The following CRACDL variants were observed in gnomAD, a reference collection of about 807,000 sequenced individuals.
The protein encoded by CRACDL is CRACD like.
In CRACDL, 26 loss-of-function variants were observed where a neutral mutation model predicts 70.6. The observed-to-expected ratio is 0.37, with a 90% CI of 0.27 to 0.51. The LOEUF (loss-of-function observed/expected upper bound fraction) is 0.51, where lower values mean the gene tolerates loss of function less well. CRACDL is among the 20% of genes least tolerant of loss of function. The pLI is 0.94. For missense variants in CRACDL, 1,283 were observed against 1,376.9 expected (o/e 0.93, Z 1.08); for synonymous variants, 618 against 615.2 (o/e 1.00, Z -0.07).
rs72958666 is a variant in CRACDL at position 98,841,444 on chromosome 2, G to T, written c.71-3157C>A. 2.9e-3 allele frequency among the ~76,000 whole-genome samples: 438 copies of T among 151,802 alleles called. 2 individuals carry two copies. The highest frequency in any genetic ancestry group is 1.0e-2 in the African/African-American group (413 of 41,392). ...GGTTATACTACACATTTGATTACAG[G>T]TCAATACAAGGACCTTCGAATACTT... is the stretch of plus-strand genomic sequence containing the variant. On this transcript the variant is annotated intron_variant, in intron 2 of 9. Coordinates refer to ENST00000397899, the MANE Select transcript of CRACDL (RefSeq NM_207362.3).
chr2:98,815,876 A>T (rs1296355614), intron 7 of CRACDL, among the ~76,000 whole-genome samples: 1 of 152,258 alleles, frequency 6.6e-6, no homozygotes, highest in Non-Finnish European at 1.5e-5. Flanking sequence ...CCACCAGGGC[A>T]AGTAGTTTCA....
intron 1 of CRACDL, among the ~76,000 whole-genome samples, chr2:98,903,009 G>A (rs1708319026): frequency 6.6e-6 from 1 of 152,068 alleles, no homozygotes; most frequent in African/African-American, 2.4e-5. Context: ...CACCCCCAGG[G>A]CCGCGCTAGC....
intron 1 of CRACDL, among the ~76,000 whole-genome samples, chr2:98,885,618 T>C (rs950228989): frequency 6.6e-6 from 1 of 152,170 alleles, no homozygotes; most frequent in Non-Finnish European, 1.5e-5. Flanking sequence ...GATGAAAATA[T>C]GGCCTTCAGA....
chr2:98,902,763 G>A (rs750259795), intron 1 of CRACDL, among the ~76,000 whole-genome samples: 24 of 151,970 alleles, frequency 1.6e-4, no homozygotes, highest in South Asian at 6.2e-4. Flanking sequence ...TCTGGGACCC[G>A]GAGTCACCCC....
At chr2:98,815,787 T>G (rs1704760636) in intron 7 of CRACDL, among the ~76,000 whole-genome samples, 1 of 151,434 alleles carries the variant, frequency 6.6e-6, no homozygotes, top group Admixed American at 6.6e-5. Context: ...GGGTGAGGGG[T>G]TGGCCACTTC....
intron 7 of CRACDL, among the ~76,000 whole-genome samples, chr2:98,807,141 T>A (rs563378465): frequency 5.9e-5 from 9 of 152,386 alleles, no homozygotes; most frequent in African/African-American, 2.2e-4. Flanking sequence ...CAGAGTCTTA[T>A]GGAACAAAGT....
chr2:98,803,785 CTG>C (rs1293041404), intron 7 of CRACDL, among the ~76,000 whole-genome samples: 2 of 152,338 alleles, frequency 1.3e-5, no homozygotes, highest in East Asian at 1.9e-4. Flanking sequence ...AGAACAGTCA[CTG>C]TGCCTCGTTG....
chr2:98,911,749 T>G (rs1708552375), intron 1 of CRACDL, among the ~76,000 whole-genome samples: 1 of 152,084 alleles, frequency 6.6e-6, no homozygotes, highest in Admixed American at 6.5e-5. Context: ...GCCTCCAAGC[T>G]GGGCCACCCC....
intron 1 of CRACDL, among the ~76,000 whole-genome samples, chr2:98,900,350 AGAG>A (rs1708245876): frequency 1.0e-5 from 1 of 97,442 alleles, no homozygotes; most frequent in African/African-American, 4.1e-5. Context: ...GAGGGGAGGC[AGAG>A]GATGGAGGCT....
Position 98,822,413 on chromosome 2 carries a change from G to T in CRACDL, c.1860C>A (p.Pro620=). 2 of 1,484,074 alleles carry T rather than the reference G, an allele frequency of 1.3e-6. No individual in the cohort carries two copies. Among genetic ancestry groups the T allele is most frequent in the African/African-American group, 1.5e-5 (1 of 68,078 alleles). The allele number at this position is 1,484,074 out of a possible 1,614,324, so 91.9% of individuals were successfully genotyped here. A position where few individuals can be genotyped will look rare whatever the true frequency, so the allele number is the denominator to read the frequency against. The change falls in exon 7 of 10, where the codon CCC becomes CCA. Residue 620 remains proline (P), a synonymous_variant. Coordinates refer to ENST00000397899, the MANE Select transcript of CRACDL (RefSeq NM_207362.3). This position sits in a 1 kb window ranked among gnomAD's most constrained non-coding sequence, Gnocchi z 4.9. ...GGCCAGGTTTCGCGTGCTGGGGCTC[G>T]GGGAGACCCTGGAGGTCGTCAAGAG... ...EAALDDLQGL[P]EPQHAKPGPR...
chr2:98,917,524 C>T (rs930643428), intron 1 of CRACDL, among the ~76,000 whole-genome samples: 5 of 152,230 alleles, frequency 3.3e-5, no homozygotes, highest in African/African-American at 1.2e-4. Flanking sequence ...AAGCACACCA[C>T]AAATTTGTCA....
At chr2:98,853,942 A>C (rs1289842984) in intron 1 of CRACDL, among the ~76,000 whole-genome samples, 1 of 152,166 alleles carries the variant, frequency 6.6e-6, no homozygotes, top group African/African-American at 2.4e-5. Context: ...AATTAACCCC[A>C]AAAAAGGCAG....
At chr2:98,933,071 C>T (rs182613182) in intron 1 of CRACDL, among the ~76,000 whole-genome samples, 287 of 152,282 alleles carry the variant, frequency 1.9e-3, no homozygotes, top group Non-Finnish European at 2.7e-3. Flanking sequence ...ACAACCTGGG[C>T]GGGCTCCCAG....
intron 1 of CRACDL, among the ~76,000 whole-genome samples, chr2:98,848,768 T>G (rs1706361737): frequency 6.6e-6 from 1 of 152,282 alleles, no homozygotes; most frequent in Admixed American, 6.5e-5. Context: ...TTGTATTTTT[T>G]GTAGAAACGG....
intron 1 of CRACDL, among the ~76,000 whole-genome samples, chr2:98,860,725 G>C (rs888086890): frequency 5.9e-5 from 9 of 152,210 alleles, no homozygotes; most frequent in Admixed American, 5.9e-4. Flanking sequence ...TAATTACTCA[G>C]ATGTGACATC....
In CRACDL at chr2:98,936,225, C is replaced by G. The variant is rs1364119183; in HGVS notation, c.-298G>C. 6.7e-6 allele frequency: 1 copy of G among 149,926 alleles called. No individual in the cohort carries two copies. The highest frequency in any genetic ancestry group is 1.5e-5 in the Non-Finnish European group (1 of 67,184). 9.3% of individuals were successfully genotyped at this position (149,926 alleles called of 1,614,324 possible). On this transcript the variant is annotated 5_prime_UTR_variant, in exon 1 of 10. Transcript: ENST00000397899. ...CGCGCCGGCTTCGCTCGGCTCCGCT[C>G]GGCTCGGCGGGGGCGGACGCCGCTC... is the stretch of plus-strand genomic sequence containing the variant.
intron 1 of CRACDL, among the ~76,000 whole-genome samples, chr2:98,908,817 C>T (rs1470180577): frequency 1.3e-5 from 2 of 152,238 alleles, no homozygotes; most frequent in African/African-American, 2.4e-5. Context: ...GTGAGCCTCA[C>T]AATTTCCACT....
At chr2:98,914,264 G>A (rs997648331) in intron 1 of CRACDL, among the ~76,000 whole-genome samples, 9 of 152,170 alleles carry the variant, frequency 5.9e-5, no homozygotes, top group Admixed American at 3.9e-4. Context: ...TGAGCAACTC[G>A]CAGGGTCCTG....
rs60725966 is a variant in CRACDL at position 98,824,689 on chromosome 2, T to G, written c.736-1152A>C. 2.6e-3 allele frequency among the ~76,000 whole-genome samples: 403 copies of G among 152,300 alleles called. 2 individuals carry two copies. The highest frequency in any genetic ancestry group is 9.2e-3 in the African/African-American group (381 of 41,558). On this transcript the variant is annotated intron_variant, in intron 6 of 9. Transcript: ENST00000397899. ...TTCTAAAGCAGGAACTGTGACAGGG[T>G]ATGTTTGCAATAGGTTTTTCTTCTT...
Sources: gnomAD v4.1 joint callset for allele counts (sites outside exome capture counted in the v4.1 genomes callset) on GRCh38, gnomAD v4.1.1 for gene constraint, Gnocchi (gnomAD v3.1) non-coding constraint, MANE v1.5 for transcripts, NCBI Gene and HGNC (gene_info 2026-07-23, HGNC 2026-07-21) for gene names.